CHST12: variants seen among roughly 807,000 people sequenced by gnomAD.
CHST12 encodes carbohydrate (chondroitin 4) sulfotransferase 12.
Under a neutral mutation model 27.9 loss-of-function variants are expected in CHST12, and 23 were observed. The observed-to-expected ratio is 0.82, with a 90% CI of 0.59 to 1.17. The LOEUF (loss-of-function observed/expected upper bound fraction) is 1.17, where lower values mean the gene tolerates loss of function less well. Ranked by LOEUF, CHST12 falls within the 50% of genes most tolerant of loss-of-function variation. CHST12 has a pLI of 0.00. For synonymous variants in CHST12, 322 were observed against 273.0 expected (o/e 1.18, Z -1.77); for missense variants, 682 against 603.0 (o/e 1.13, Z -1.37).
At chr7:2,417,916 C>T (rs1176013092) in intron 1 of CHST12, among the ~76,000 whole-genome samples, 5 of 152,232 alleles carry the variant, frequency 3.3e-5, no homozygotes, top group African/African-American at 7.2e-5. Context: ...TTTGTGTGAT[C>T]GATGTCAGTT....
In CHST12 at chr7:2,448,094, C is replaced by G. The variant is rs1314023062; in HGVS notation, c.*14210C>G. On this transcript the variant is annotated 3_prime_UTR_variant, in exon 2 of 2. Transcript: ENST00000618655. ...TGTGGGTCGGGCTGGTCTCGAACTCCTGGTCTCAAGTGATCCGCCCTCCTC... is the reference window on the plus strand; with the variant it reads ...TGTGGGTCGGGCTGGTCTCGAACTCGTGGTCTCAAGTGATCCGCCCTCCTC... 2 of 152,216 alleles carry G rather than the reference C, an allele frequency of 1.3e-5. No individual in the cohort carries two copies. The highest frequency in any genetic ancestry group is 4.8e-5 in the African/African-American group (2 of 41,434). The allele number at this position is 152,216 out of a possible 1,614,324, so 9.4% of individuals were successfully genotyped here.
Position 2,433,973 on chromosome 7 carries a change from C to A in CHST12, c.*89C>A. ...ATGACCTACGATTTTGCAATCTGGG[C>A]TTCTTGTTCACTCCACTGCCTCTAT... On this transcript the variant is annotated 3_prime_UTR_variant, in exon 2 of 2. Transcript: ENST00000618655. The surrounding 1 kb of genome is among the most constrained non-coding windows in gnomAD (Gnocchi z 6.1). The A allele has an allele frequency of 1.8e-6, 2 of 1,122,816 alleles. No individual in the cohort carries two copies. Among genetic ancestry groups the A allele is most frequent in the Non-Finnish European group, 2.6e-6 (2 of 778,302 alleles). The allele number at this position is 1,122,816 out of a possible 1,614,324, so 69.6% of individuals were successfully genotyped here. A position where few individuals can be genotyped will look rare whatever the true frequency, so the allele number is the denominator to read the frequency against.
rs112698760 is a variant in CHST12, at chr7:2,438,489, C to A, written c.*4605C>A. ...ATATCACACAGGCTGCAGATACCAC[C>A]CAGCCCCCAAGGATGCCATCACCAG... On this transcript the variant is annotated 3_prime_UTR_variant, in exon 2 of 2. Transcript: ENST00000618655. 1 of 152,232 alleles carries A rather than the reference C, an allele frequency of 6.6e-6. No individual in the cohort carries two copies. The allele number at this position is 152,232 out of a possible 1,614,324, so 9.4% of individuals were successfully genotyped here.
chr7:2,412,406 A>G (rs1781689896), intron 1 of CHST12, among the ~76,000 whole-genome samples: 1 of 152,208 alleles, frequency 6.6e-6, no homozygotes, highest in Non-Finnish European at 1.5e-5. Context: ...TGGGAACTGC[A>G]GTGAATTATT....
chr7:2,405,829 G>A (rs994456213), intron 1 of CHST12, among the ~76,000 whole-genome samples: 21 of 152,202 alleles, frequency 1.4e-4, no homozygotes, highest in Admixed American at 7.9e-4. Flanking sequence ...GACCTGCAGA[G>A]TTGGCGGTAT....
At position 2,433,543 on chromosome 7, in the gene CHST12, A is replaced by G. The variant is rs1193188485; in HGVS notation, c.904A>G (p.Asn302Asp). 2 of 1,613,268 alleles carry G rather than the reference A, an allele frequency of 1.2e-6. No individual in the cohort carries two copies. The highest frequency in any genetic ancestry group is 1.3e-5 in the African/African-American group (1 of 75,046). Residue 302 changes from asparagine to aspartate, a missense_variant, in exon 2 of 2, where the codon AAC becomes GAC. Physicochemically the swap from Asn to Asp is conservative, Grantham distance 23. Transcript: ENST00000618655. This position sits in a 1 kb window ranked among gnomAD's most constrained non-coding sequence, Gnocchi z 6.1. Reference protein sequence around the residue: ...FRAGLKVSFANFIQYLLDPHT... With the variant: ...FRAGLKVSFADFIQYLLDPHT... ...CGCTGGCCTCAAGGTGTCCTTCGCC[A>G]ACTTCATCCAGTACCTGCTGGACCC...
At chr7:2,424,941 C>A (rs1782070573) in intron 1 of CHST12, among the ~76,000 whole-genome samples, 2 of 152,160 alleles carry the variant, frequency 1.3e-5, no homozygotes, top group South Asian at 2.1e-4. Flanking sequence ...CGTGGTGGCT[C>A]ACGCCTGTAA....
At chr7:2,422,225 C>A (rs1227228361) in intron 1 of CHST12, among the ~76,000 whole-genome samples, 1 of 151,978 alleles carries the variant, frequency 6.6e-6, no homozygotes, top group African/African-American at 2.4e-5. Flanking sequence ...TTAACTTTTC[C>A]CCTTTGCTAC....
rs537584309 is a variant in CHST12 at position 2,412,639 on chromosome 7, G to A, written c.-78+8966G>A. Among the ~76,000 whole-genome samples the A allele has an allele frequency of 4.6e-5, 7 of 152,276 alleles. No individual in the cohort carries two copies. In the South Asian group the frequency reaches 1.2e-3, roughly 27 times the overall value. ...CTGTCTAGTGAAACCTACCAATTCTGCCTAAACATATACTGTAGAGGCCAG... is the reference window on the plus strand; with the variant it reads ...CTGTCTAGTGAAACCTACCAATTCTACCTAAACATATACTGTAGAGGCCAG... On this transcript the variant is annotated intron_variant, in intron 1 of 1. Coordinates refer to ENST00000618655, the MANE Select transcript of CHST12 (RefSeq NM_018641.5).
intron 1 of CHST12, among the ~76,000 whole-genome samples, chr7:2,412,765 C>G (rs556582667): frequency 6.6e-6 from 1 of 152,318 alleles, no homozygotes; most frequent in South Asian, 2.1e-4. Context: ...AAGTCTGTAG[C>G]TACTTTTCCC....
Position 2,433,770 on chromosome 7 carries a change from G to A in CHST12, c.1131G>A (p.Glu377=), listed in dbSNP as rs1437181240. The A allele has an allele frequency of 6.2e-7, 1 of 1,614,088 alleles. No individual in the cohort carries two copies. Among genetic ancestry groups the A allele is most frequent in the Non-Finnish European group, 8.5e-7 (1 of 1,180,038 alleles). ...GGAACAGGACCGCCAGCAGCTGGGA[G>A]GAGGACTGGTTCGCCAAGATCCCCC... is the stretch of plus-strand genomic sequence containing the variant. ...SYRNRTASSW[E]EDWFAKIPLA... Residue 377 remains glutamate (E), a synonymous_variant, in exon 2 of 2, where the codon GAG becomes GAA. Coordinates refer to ENST00000618655, the MANE Select transcript of CHST12 (RefSeq NM_018641.5). The surrounding 1 kb of genome is among the most constrained non-coding windows in gnomAD (Gnocchi z 6.1).
chr7:2,404,971 G>A lies in CHST12; in HGVS notation c.-78+1298G>A, dbSNP rs547124297. ...ACAACTGTGTGGAGTTGAGACTGTG[G>A]TGCAGGCGTTAACAGAATGTGGCGA... On this transcript the variant is annotated intron_variant, in intron 1 of 1. Transcript: ENST00000618655. Among the ~76,000 whole-genome samples the A allele has an allele frequency of 1.2e-4, 18 of 152,306 alleles. No individual in the cohort carries two copies. The East Asian group carries it at 3.5e-3, about 29-fold the overall frequency.
intron 1 of CHST12, among the ~76,000 whole-genome samples, chr7:2,428,885 G>C (rs1782200879): frequency 6.6e-6 from 1 of 152,188 alleles, no homozygotes; most frequent in African/African-American, 2.4e-5. Context: ...ATTCTCAGAA[G>C]GGAGTATGCC....
chr7:2,424,803 C>T (rs897323313), intron 1 of CHST12, among the ~76,000 whole-genome samples: 1 of 152,184 alleles, frequency 6.6e-6, no homozygotes, highest in Admixed American at 6.5e-5. Context: ...AGCCCCAGCT[C>T]CCACAGAGCT....
rs1406542527 is a variant in CHST12, at chr7:2,446,704, A to C, written c.*12820A>C. On this transcript the variant is annotated 3_prime_UTR_variant, in exon 2 of 2. Coordinates refer to ENST00000618655, the MANE Select transcript of CHST12 (RefSeq NM_018641.5). ...AACATTTTAACCCAGGAATCCCCCC[A>C]CCAAGGGACAGAGTGCAAGGACATG... is the stretch of plus-strand genomic sequence containing the variant. The C allele has an allele frequency of 1.3e-5, 2 of 152,846 alleles. No individual in the cohort carries two copies. The highest frequency in any genetic ancestry group is 2.9e-5 in the Non-Finnish European group (2 of 68,162). The allele number at this position is 152,846 out of a possible 1,614,324, so 9.5% of individuals were successfully genotyped here. A position where few individuals can be genotyped will look rare whatever the true frequency, so the allele number is the denominator to read the frequency against.
At position 2,434,832 on chromosome 7, in the gene CHST12, A is replaced by C. The variant is rs1782433927; in HGVS notation, c.*948A>C. 1 of 152,196 alleles carries C rather than the reference A, an allele frequency of 6.6e-6. No individual in the cohort carries two copies. The highest frequency in any genetic ancestry group is 1.5e-5 in the Non-Finnish European group (1 of 68,122). The allele number at this position is 152,196 out of a possible 1,614,324, so 9.4% of individuals were successfully genotyped here. A position where few individuals can be genotyped will look rare whatever the true frequency, so the allele number is the denominator to read the frequency against. The stretch of plus-strand genomic sequence containing the variant: ...GCTGGGCACGGTGGCTCATGCCTGC[A>C]ATCCTGGCACTTTGGGAGGCTGAGG... On this transcript the variant is annotated 3_prime_UTR_variant, in exon 2 of 2. Coordinates refer to ENST00000618655, the MANE Select transcript of CHST12 (RefSeq NM_018641.5).
At chr7:2,415,217 T>G (rs774910241) in intron 1 of CHST12, among the ~76,000 whole-genome samples, 1 of 151,962 alleles carries the variant, frequency 6.6e-6, no homozygotes, top group African/African-American at 2.4e-5. Flanking sequence ...ATACAAAAAA[T>G]TAGCCAGATG....
At chr7:2,427,438 C>A (rs1782154446) in intron 1 of CHST12, among the ~76,000 whole-genome samples, 1 of 148,240 alleles carries the variant, frequency 6.7e-6, no homozygotes, top group East Asian at 2.0e-4. Context: ...GAGGTCAAGG[C>A]TGCAGTGAGC....
At chr7:2,430,490 A>AT (rs926599569) in intron 1 of CHST12, among the ~76,000 whole-genome samples, 36 of 151,464 alleles carry the variant, frequency 2.4e-4, no homozygotes, top group African/African-American at 8.7e-4. Flanking sequence ...TAATTTTTGC[A>AT]TTTTTTTAGT....
Sources: gnomAD v4.1 joint callset for allele counts (sites outside exome capture counted in the v4.1 genomes callset) on GRCh38, gnomAD v4.1.1 for gene constraint, Gnocchi (gnomAD v3.1) non-coding constraint, MANE v1.5 for transcripts, NCBI Gene and HGNC (gene_info 2026-07-23, HGNC 2026-07-21) for gene names.